The following CHRNA7 variants were observed in gnomAD, a reference collection of about 807,000 sequenced individuals.
CHRNA7 encodes the protein cholinergic receptor nicotinic alpha 7 subunit.
A neutral mutation model predicts 48.0 loss-of-function variants in CHRNA7; 17 were observed. The observed-to-expected ratio is 0.35, with a 90% CI of 0.24 to 0.53. The LOEUF (loss-of-function observed/expected upper bound fraction) is 0.53. Among genes scored for constraint, CHRNA7 ranks in the 20% least tolerant of loss-of-function variants. The pLI, the probability that CHRNA7 is intolerant of heterozygous loss-of-function variation, is 0.92. For synonymous variants in CHRNA7, 75 were observed against 242.3 expected (o/e 0.31, Z 6.41); for missense variants, 155 against 577.7 (o/e 0.27, Z 7.50).
At chr15:32,156,231 T>G (rs1352274809) in intron 5 of CHRNA7, 1 of 131,782 alleles carries the variant, frequency 7.6e-6, no homozygotes, top group South Asian at 2.3e-4. Context: ...CTCATGAAGT[T>G]ACAAAGCTTT....
chr15:32,114,912 G>A (rs757641109), intron 4 of CHRNA7, among the ~76,000 whole-genome samples: 3 of 152,234 alleles, frequency 2.0e-5, no homozygotes, highest in Non-Finnish European at 4.4e-5. Context: ...GGGCAGGTCT[G>A]GGCTGAGCTG....
At chr15:32,135,630 C>G (rs1026265988) in intron 4 of CHRNA7, among the ~76,000 whole-genome samples, 1 of 152,104 alleles carries the variant, frequency 6.6e-6, no homozygotes, top group African/African-American at 2.4e-5. Flanking sequence ...CATTGAAATA[C>G]AATGATTTTT....
intron 3 of CHRNA7, among the ~76,000 whole-genome samples, chr15:32,104,419 C>T (rs1283489309): frequency 6.6e-6 from 1 of 152,136 alleles, no homozygotes; most frequent in Non-Finnish European, 1.5e-5. Flanking sequence ...GATGTACTGT[C>T]CCAAACCCTC....
In CHRNA7 at chr15:32,101,283, CTTTTT is replaced by C; in HGVS notation, c.196-9_196-5del. Reference sequence around the variant, plus strand: ...GTAAACCATATTATTTATGCTGCTGCTTTTTTTTTTTTTTTGAAGGATGAGAAGAA... The same window carrying C: ...GTAAACCATATTATTTATGCTGCTGCTTTTTTTTTTGAAGGATGAGAAGAA... On this transcript the variant is annotated splice_polypyrimidine_tract_variant and intron_variant, in intron 2 of 9. Coordinates refer to ENST00000306901, the MANE Select transcript of CHRNA7 (RefSeq NM_000746.6). 4 of 1,451,564 alleles carry C rather than the reference CTTTTT, an allele frequency of 2.8e-6. No individual in the cohort carries two copies. The highest frequency in any genetic ancestry group is 1.3e-5 in the South Asian group (1 of 76,820). The allele number at this position is 1,451,564 out of a possible 1,614,324, so 89.9% of individuals were successfully genotyped here.
At chr15:32,101,631 G>T in intron 3 of CHRNA7, 1 of 374,136 alleles carries the variant, frequency 2.7e-6, no homozygotes, top group Non-Finnish European at 4.7e-6. Flanking sequence ...AGAAGATACA[G>T]GGCTGTGTGT....
chr15:32,153,294 C>T (rs1466480666), intron 4 of CHRNA7: 1 of 151,056 alleles, frequency 6.6e-6, no homozygotes, highest in African/African-American at 2.4e-5. Flanking sequence ...TGGTGGTGTG[C>T]ACCTGTAGTC....
At chr15:32,054,430 G>A (rs1447601940) in intron 2 of CHRNA7, among the ~76,000 whole-genome samples, 2 of 152,006 alleles carry the variant, frequency 1.3e-5, no homozygotes, top group Non-Finnish European at 2.9e-5. Flanking sequence ...TCTTATTTTG[G>A]AAGTTATTCT....
intron 2 of CHRNA7, among the ~76,000 whole-genome samples, chr15:32,082,339 A>AT (rs58571847): frequency 0.81 from 122,456 of 150,684 alleles, 50,732 homozygotes; most frequent in Non-Finnish European, 0.9. Flanking sequence ...TGATTATTAG[A>AT]TTTTTTTTGT....
intron 3 of CHRNA7, 181 bp from the exon 4 acceptor site, chr15:32,111,609 T>C: frequency 1.8e-6 from 1 of 553,626 alleles, no homozygotes; most frequent in Non-Finnish European, 3.2e-6. Flanking sequence ...AGTTTTATGC[T>C]CTTCACAGTC....
intron 3 of CHRNA7, among the ~76,000 whole-genome samples, chr15:32,104,255 A>T (rs1236361099): frequency 6.6e-6 from 1 of 151,452 alleles, no homozygotes; most frequent in Non-Finnish European, 1.5e-5. Context: ...GGTGACACAC[A>T]CGTCACCCGA....
intron 2 of CHRNA7, among the ~76,000 whole-genome samples, chr15:32,058,138 G>T (rs1448185625): frequency 6.6e-6 from 1 of 152,182 alleles, no homozygotes; most frequent in Non-Finnish European, 1.5e-5. Context: ...CTCTAGGATT[G>T]ACTATCATGC....
At chr15:32,055,603 C>T (rs1051611855) in intron 2 of CHRNA7, among the ~76,000 whole-genome samples, 1 of 152,182 alleles carries the variant, frequency 6.6e-6, no homozygotes, top group African/African-American at 2.4e-5. Flanking sequence ...ATGACCTAAG[C>T]ATCTCTTATA....
chr15:32,064,788 A>T (rs1220070433), intron 2 of CHRNA7, among the ~76,000 whole-genome samples: 1 of 152,234 alleles, frequency 6.6e-6, no homozygotes, highest in East Asian at 1.9e-4. Context: ...GTCAGTATGC[A>T]TCTGTGCTCT....
At chr15:32,069,220 A>G (rs749832341) in intron 2 of CHRNA7, among the ~76,000 whole-genome samples, 11 of 152,236 alleles carry the variant, frequency 7.2e-5, no homozygotes, top group Non-Finnish European at 1.6e-4. Context: ...TATATTTCCT[A>G]AGGGTCAAGT....
At chr15:32,143,430 A>G (rs554413370) in intron 4 of CHRNA7, among the ~76,000 whole-genome samples, 38 of 152,290 alleles carry the variant, frequency 2.5e-4, no homozygotes, top group East Asian at 9.7e-4. Flanking sequence ...GTAGATATCT[A>G]TTAGGTTCAC....
At chr15:32,163,613 C>A (rs2051972095) in intron 9 of CHRNA7, 1 of 113,246 alleles carries the variant, frequency 8.8e-6, no homozygotes, top group Admixed American at 8.6e-5. Context: ...CCACACCTGG[C>A]CAATTTTTTT....
intron 2 of CHRNA7, among the ~76,000 whole-genome samples, chr15:32,061,813 C>G (rs551013514): frequency 6.6e-6 from 1 of 152,124 alleles, no homozygotes; most frequent in East Asian, 1.9e-4. Context: ...ATCTAAAAAA[C>G]AACAGCAACA....
chr15:32,039,529 A>G (rs1250291823), intron 2 of CHRNA7, among the ~76,000 whole-genome samples: 4 of 152,176 alleles, frequency 2.6e-5, no homozygotes, highest in African/African-American at 9.6e-5. Context: ...ATATTATTTA[A>G]AGGCATATTG....
intron 2 of CHRNA7, among the ~76,000 whole-genome samples, chr15:32,044,674 G>C (rs528971422): frequency 6.6e-6 from 1 of 152,314 alleles, no homozygotes; most frequent in Non-Finnish European, 1.5e-5. Flanking sequence ...TTATCTCAGT[G>C]ATTCTCAACC....
Sources: gnomAD v4.1 joint callset for allele counts (sites outside exome capture counted in the v4.1 genomes callset) on GRCh38, gnomAD v4.1.1 for gene constraint, MANE v1.5 for transcripts, NCBI Gene and HGNC (gene_info 2026-07-23, HGNC 2026-07-21) for gene names.